Variants in FAM47E observed in about 807,000 individuals in gnomAD.
The protein encoded by FAM47E is family with sequence similarity 47 member E.
In FAM47E, 32 loss-of-function variants were observed where a neutral mutation model predicts 41.6. The observed-to-expected ratio is 0.77, with a 90% CI of 0.58 to 1.03. The LOEUF (loss-of-function observed/expected upper bound fraction) is 1.03. Among genes scored for constraint, FAM47E ranks in the 50% least tolerant of loss-of-function variants. The probability of loss-of-function intolerance (pLI) is 0.00; values close to 1 mark genes in which losing one functional copy is unlikely to be tolerated. For synonymous variants in FAM47E, 184 were observed against 188.7 expected, an observed-to-expected ratio of 0.98 and a Z score of 0.20; for missense variants, 424 against 485.4, an observed-to-expected ratio of 0.87 and a Z score of 1.19.
intron 2 of FAM47E, among the ~76,000 whole-genome samples, chr4:76,244,701 C>T (rs1733787284): frequency 6.6e-6 from 1 of 151,868 alleles, no homozygotes; most frequent in African/African-American, 2.4e-5. Context: ...CCACTGTGCC[C>T]AGCTAATTTT....
At chr4:76,220,389 G>C (rs2109979322) in intron 2 of FAM47E, among the ~76,000 whole-genome samples, 1 of 152,338 alleles carries the variant, frequency 6.6e-6, no homozygotes, top group South Asian at 2.1e-4. Flanking sequence ...TATTTTGGGA[G>C]ACTGAGGCAG....
chr4:76,218,492 T>C (rs1733253328), intron 2 of FAM47E, among the ~76,000 whole-genome samples: 2 of 152,210 alleles, frequency 1.3e-5, no homozygotes, highest in Admixed American at 1.3e-4. Context: ...CCCATGTCCC[T>C]GTCTACCGCC....
intron 2 of FAM47E, among the ~76,000 whole-genome samples, chr4:76,235,006 C>T (rs151157238): frequency 8.0e-4 from 121 of 152,084 alleles, no homozygotes; most frequent in Non-Finnish European, 1.4e-3. Flanking sequence ...AGCCATCCTC[C>T]CTCCTGAAAA....
chr4:76,274,760 G>C (rs997854997), intron 5 of FAM47E, among the ~76,000 whole-genome samples: 3 of 152,138 alleles, frequency 2.0e-5, no homozygotes, highest in African/African-American at 7.2e-5. Context: ...TTTTCCTTTT[G>C]GTTCTTTCCC....
chr4:76,273,506 T>C (rs1191790321), intron 5 of FAM47E, among the ~76,000 whole-genome samples: 1 of 152,222 alleles, frequency 6.6e-6, no homozygotes, highest in Non-Finnish European at 1.5e-5. Context: ...ATCCTCATCT[T>C]CTTTTTGGGG....
chr4:76,226,077 C>T (rs1387396316), intron 2 of FAM47E, among the ~76,000 whole-genome samples: 2 of 150,564 alleles, frequency 1.3e-5, no homozygotes, highest in African/African-American at 4.9e-5. Context: ...TCAGACTCAA[C>T]ACCAGGTCGT....
chr4:76,237,185 G>T (rs533985681), intron 2 of FAM47E, among the ~76,000 whole-genome samples: 2 of 151,914 alleles, frequency 1.3e-5, no homozygotes, highest in African/African-American at 2.4e-5. Flanking sequence ...GTGAGCCACC[G>T]CGCCTGGCCA....
At chr4:76,236,389 G>A (rs1733587135) in intron 2 of FAM47E, 1 of 152,060 alleles carries the variant, frequency 6.6e-6, no homozygotes, top group Non-Finnish European at 1.5e-5. Context: ...AAAAACACAG[G>A]ATAGAAACTG....
At chr4:76,233,962 T>A (rs1733537509) in intron 2 of FAM47E, among the ~76,000 whole-genome samples, 1 of 152,190 alleles carries the variant, frequency 6.6e-6, no homozygotes, top group Non-Finnish European at 1.5e-5. Context: ...GTTTAAAAAA[T>A]GCCTGGGGAA....
At chr4:76,255,630 C>G (rs1734156334) in intron 1 of FAM47E, among the ~76,000 whole-genome samples, 1 of 152,104 alleles carries the variant, frequency 6.6e-6, no homozygotes, top group South Asian at 2.1e-4. Context: ...TGCACTCTGT[C>G]CCTTTTAGTG....
chr4:76,271,424 T>G, intron 4 of FAM47E, 144 bp from the exon 5 acceptor site: 1 of 970,996 alleles, frequency 1.0e-6, no homozygotes, highest in Non-Finnish European at 1.5e-6. Context: ...CCCAAACACT[T>G]CTTGTCTTCA....
intron 2 of FAM47E, among the ~76,000 whole-genome samples, chr4:76,243,387 A>C (rs1467453114): frequency 2.0e-5 from 3 of 152,138 alleles, no homozygotes; most frequent in Non-Finnish European, 4.4e-5. Flanking sequence ...CTAGTACCTG[A>C]TACTAGCTCT....
intron 2 of FAM47E, among the ~76,000 whole-genome samples, chr4:76,221,685 T>C (rs147138954): frequency 1.3e-5 from 2 of 152,334 alleles, no homozygotes; most frequent in East Asian, 1.9e-4. Context: ...TTATCACTTA[T>C]TAGCTAAAGA....
At chr4:76,268,522 A>T in intron 3 of FAM47E, 138 bp from the exon 4 acceptor site, 1 of 823,442 alleles carries the variant, frequency 1.2e-6, no homozygotes, top group Non-Finnish European at 1.8e-6. Context: ...GAAAAATTAA[A>T]ATACAATTTG....
chr4:76,264,085 C>G (rs1450209075), intron 3 of FAM47E, among the ~76,000 whole-genome samples: 1 of 152,196 alleles, frequency 6.6e-6, no homozygotes, highest in Non-Finnish European at 1.5e-5. Context: ...GAGAGAGTCC[C>G]TCCCTATGCT....
At chr4:76,214,331 TG>T (rs1733158018) in exon 1 of FAM47E, 1 of 454,848 alleles carries the variant, frequency 2.2e-6, no homozygotes, top group Middle Eastern at 3.3e-4. Flanking sequence ...AACTGGGGCC[TG>T]GGGGATGCAT....
intron 6 of FAM47E, chr4:76,279,511 G>A (rs1049697380): frequency 2.6e-5 from 4 of 152,242 alleles, no homozygotes; most frequent in East Asian, 3.9e-4. Context: ...GATATAACTC[G>A]TATAGTAAAA....
At chr4:76,273,093 G>A (rs768979) in intron 5 of FAM47E, among the ~76,000 whole-genome samples, 54,317 of 151,844 alleles carry the variant, frequency 0.36, 10,287 homozygotes, top group Admixed American at 0.42. Context: ...TTTGGATAGT[G>A]CTAACTCCTA....
chr4:76,220,146 T>G (rs1300155641), intron 2 of FAM47E, among the ~76,000 whole-genome samples: 1 of 152,130 alleles, frequency 6.6e-6, no homozygotes, highest in African/African-American at 2.4e-5. Context: ...ACCTAGCAAC[T>G]CTCTTCCTAG....
Sources: gnomAD v4.1 joint callset for allele counts (sites outside exome capture counted in the v4.1 genomes callset) on GRCh38, gnomAD v4.1.1 for gene constraint, MANE v1.5 for transcripts, NCBI Gene and HGNC (gene_info 2026-07-23, HGNC 2026-07-21) for gene names.